Variants in BACE2 observed in about 807,000 individuals in gnomAD.
BACE2 encodes the protein 56 kDa aspartic-like protease.
A neutral mutation model predicts 46.2 loss-of-function variants in BACE2; 17 were observed. The observed-to-expected ratio is 0.37, with a 90% CI of 0.25 to 0.55. The LOEUF (loss-of-function observed/expected upper bound fraction) is 0.55. Ranked by LOEUF, BACE2 falls within the 20% of genes least tolerant of loss-of-function variation. The pLI is 0.82. For missense variants in BACE2, 595 were observed against 698.1 expected (o/e 0.85, Z 1.66); for synonymous variants, 277 against 295.9 (o/e 0.94, Z 0.66).
chr21:41,248,936 C>T (rs1353426306), intron 6 of BACE2, among the ~76,000 whole-genome samples: 1 of 152,202 alleles, frequency 6.6e-6, no homozygotes, highest in Non-Finnish European at 1.5e-5. Context: ...CTCTCCCTGT[C>T]CCTGTGCCCC....
At chr21:41,189,852 G>A (rs1433027534) in intron 1 of BACE2, among the ~76,000 whole-genome samples, 1 of 152,174 alleles carries the variant, frequency 6.6e-6, no homozygotes, top group Non-Finnish European at 1.5e-5. Context: ...ACAATCACAA[G>A]ATCCCACAGT....
intron 7 of BACE2, among the ~76,000 whole-genome samples, chr21:41,256,571 A>G (rs1568889475): frequency 6.6e-6 from 1 of 152,190 alleles, no homozygotes; most frequent in East Asian, 1.9e-4. Flanking sequence ...TAATCCAAAC[A>G]TTTCCTTTCC....
intron 3 of BACE2, among the ~76,000 whole-genome samples, chr21:41,240,226 G>A (rs1366850150): frequency 6.6e-6 from 1 of 152,144 alleles, no homozygotes; most frequent in African/African-American, 2.4e-5. Flanking sequence ...GTTGTGTGGT[G>A]GCCCCTGGTC....
chr21:41,236,153 C>A (rs866889770), intron 2 of BACE2, among the ~76,000 whole-genome samples: 19 of 152,292 alleles, frequency 1.2e-4, no homozygotes, highest in Middle Eastern at 3.4e-3. Context: ...AGGTTCCTTC[C>A]TATATTCCAG....
intron 3 of BACE2, among the ~76,000 whole-genome samples, chr21:41,238,453 G>A (rs1052571679): frequency 6.6e-6 from 1 of 152,218 alleles, no homozygotes; most frequent in Non-Finnish European, 1.5e-5. Flanking sequence ...AAAGGCAGGC[G>A]GGAGTAGACG....
At chr21:41,169,517 G>A (rs79490971) in intron 1 of BACE2, among the ~76,000 whole-genome samples, 1,908 of 151,200 alleles carry the variant, frequency 0.013, 40 homozygotes, top group African/African-American at 0.041. Context: ...ATCCAAGTGG[G>A]ATTTGAAGTC....
At position 41,243,404 on chromosome 21, in the gene BACE2, A is replaced by G. The variant is rs530813869; in HGVS notation, c.776A>G (p.Tyr259Cys). ...TTGGGTGGAATTGAACCAAGTTTGT[A>G]TAAAGGAGACATCTGGTATACCCCT... ...LVLGGIEPSLYKGDIWYTPIK... is the reference protein window; with the variant it reads ...LVLGGIEPSLCKGDIWYTPIK... The change falls in exon 5 of 9, where the codon TAT becomes TGT. Residue 259 changes from tyrosine to cysteine, a missense_variant. This residue lies in a region of BACE2 where 343 missense variants were observed against 419.4 expected (regional missense o/e 0.82). Transcript: ENST00000330333. 11 of 1,609,152 alleles carry G rather than the reference A, an allele frequency of 6.8e-6. No homozygotes were observed. The African/African-American group carries it at 9.4e-5, about 14-fold the overall frequency.
intron 3 of BACE2, among the ~76,000 whole-genome samples, chr21:41,238,356 T>A (rs1987185780): frequency 6.6e-6 from 1 of 152,152 alleles, no homozygotes; most frequent in Non-Finnish European, 1.5e-5. Flanking sequence ...TCACCAAATA[T>A]TTGTACTTGG....
chr21:41,177,897 G>A (rs1984918434), intron 1 of BACE2: 1 of 152,416 alleles, frequency 6.6e-6, no homozygotes, highest in Non-Finnish European at 1.5e-5. Flanking sequence ...CCCTCCTAAG[G>A]TGGGAATGGA....
intron 1 of BACE2, among the ~76,000 whole-genome samples, chr21:41,174,219 T>A (rs2123484837): frequency 6.9e-6 from 1 of 145,524 alleles, no homozygotes; most frequent in East Asian, 2.2e-4. Flanking sequence ...CTTGGCTCAC[T>A]GCAACCTCCA....
At chr21:41,242,190 T>C (rs1467369095) in intron 4 of BACE2, among the ~76,000 whole-genome samples, 1 of 150,794 alleles carries the variant, frequency 6.6e-6, no homozygotes, top group African/African-American at 2.4e-5. Flanking sequence ...AACTTTTCTT[T>C]ACCGCCCTTG....
intron 8 of BACE2, among the ~76,000 whole-genome samples, chr21:41,265,199 G>T (rs1289217368): frequency 6.9e-6 from 1 of 144,188 alleles, no homozygotes. Flanking sequence ...AAGCCTCATA[G>T]TTTATTATAT....
chr21:41,273,425 C>T (rs1046865106), intron 8 of BACE2, among the ~76,000 whole-genome samples: 3 of 152,222 alleles, frequency 2.0e-5, no homozygotes, highest in Admixed American at 2.0e-4. Context: ...TTTCAGGGAC[C>T]TACCCCTAGG....
At chr21:41,172,197 G>T (rs1226082791) in intron 1 of BACE2, among the ~76,000 whole-genome samples, 1 of 152,238 alleles carries the variant, frequency 6.6e-6, no homozygotes, top group Non-Finnish European at 1.5e-5. Flanking sequence ...GCTCCTTCGA[G>T]TGAGAAGTGG....
At chr21:41,275,066 G>A (rs1318193288) in intron 8 of BACE2, among the ~76,000 whole-genome samples, 2 of 152,008 alleles carry the variant, frequency 1.3e-5, no homozygotes, top group Non-Finnish European at 2.9e-5. Flanking sequence ...GTGTAGTACC[G>A]CAGTGTCGCT....
At chr21:41,238,803 T>C (rs1244956357) in intron 3 of BACE2, among the ~76,000 whole-genome samples, 1 of 54,682 alleles carries the variant, frequency 1.8e-5, no homozygotes, top group Non-Finnish European at 3.2e-5. Flanking sequence ...GGGACTGTGG[T>C]GGGGTGGGGG....
At chr21:41,243,338 A>G in intron 4 of BACE2, 38 bp from the exon 5 acceptor site, 1 of 1,523,142 alleles carries the variant, frequency 6.6e-7, no homozygotes, top group South Asian at 1.4e-5. Flanking sequence ...ATGTCTGTGT[A>G]TTTTTTCTCT....
chr21:41,272,322 G>C (rs1013716391), intron 8 of BACE2, among the ~76,000 whole-genome samples: 4 of 151,360 alleles, frequency 2.6e-5, no homozygotes, highest in Non-Finnish European at 4.4e-5. Context: ...GGGTCCTTTG[G>C]GCTTCTTGGG....
chr21:41,244,736 TAA>T lies in BACE2; in HGVS notation c.883-1224_883-1223del, dbSNP rs1386165854. Among the ~76,000 whole-genome samples the T allele has an allele frequency of 3.3e-4, 51 of 152,268 alleles. 1 individual carries two copies. Among genetic ancestry groups the T allele is most frequent in the Admixed American group, 3.3e-3 (51 of 15,300 alleles). On this transcript the variant is annotated intron_variant, in intron 5 of 8. Coordinates refer to ENST00000330333, the MANE Select transcript of BACE2 (RefSeq NM_012105.5). ...CAGAGGCCTGACACCTCTGAGAAAC[TAA>T]AGATTATAAAAATGATGGTCGCTTC...
Sources: allele counts gnomAD v4.1 joint callset (sites outside exome capture counted in the v4.1 genomes callset), GRCh38; gene constraint gnomAD v4.1.1; regional missense constraint gnomAD v4.1.1; transcripts MANE v1.5; gene names NCBI Gene and HGNC (gene_info 2026-07-23, HGNC 2026-07-21).